The following ATAD2B variants were observed in gnomAD, a reference collection of about 807,000 sequenced individuals.
The protein encoded by ATAD2B is ATPase family AAA domain containing 2B.
Under a neutral mutation model 167.6 loss-of-function variants are expected in ATAD2B, and 40 were observed. That is an observed-to-expected ratio of 0.24 (90% CI 0.19 to 0.31). ATAD2B has a LOEUF of 0.31. Among genes scored for constraint, ATAD2B ranks in the 10% least tolerant of loss-of-function variants. The pLI is 1.00. For synonymous variants in ATAD2B, 579 were observed against 596.5 expected (o/e 0.97, Z 0.43); for missense variants, 1,242 against 1,757.2 (o/e 0.71, Z 5.24).
chr2:23,775,824 C>T (rs772521612), intron 22 of ATAD2B, among the ~76,000 whole-genome samples: 2 of 152,138 alleles, frequency 1.3e-5, no homozygotes, highest in Non-Finnish European at 2.9e-5. Flanking sequence ...TATCTCCTGC[C>T]CACTTCTTTC....
Position 23,895,836 on chromosome 2 carries a change from T to TA in ATAD2B, c.350dup (p.Leu117PhefsTer21). 6.2e-7 allele frequency: 1 copy of TA among 1,609,940 alleles called. No homozygotes were observed. The highest frequency in any genetic ancestry group is 8.5e-7 in the Non-Finnish European group (1 of 1,177,644). ...TTTCTCACCTGGCCTGTCCAGTTGA[T>TA]AAGTTCCATTCCTCTCGCTGACCAG... On this transcript the variant is annotated frameshift_variant, in exon 2 of 28. Coordinates refer to ENST00000238789, the MANE Select transcript of ATAD2B (RefSeq NM_017552.4). LOFTEE classifies it high-confidence loss of function.
chr2:23,866,039 AAAAT>A (rs1164092808), intron 10 of ATAD2B: 11 of 456,320 alleles, frequency 2.4e-5, no homozygotes, highest in African/African-American at 4.3e-5. Context: ...TATTAACAGA[AAAAT>A]AAAAACAAGT....
chr2:23,683,251 G>A, the ATAD2B span, among the ~76,000 whole-genome samples: 1 of 152,210 alleles, frequency 6.6e-6, no homozygotes, highest in African/African-American at 2.4e-5. Flanking sequence ...GCTCAGCTCT[G>A]CAGGCCACCC....
chr2:23,883,973 C>T (rs1005411224), intron 6 of ATAD2B, among the ~76,000 whole-genome samples: 2 of 152,036 alleles, frequency 1.3e-5, no homozygotes, highest in African/African-American at 4.8e-5. Flanking sequence ...GCAAAAACCC[C>T]TCTCTACTAA....
the ATAD2B span, among the ~76,000 whole-genome samples, chr2:23,683,188 A>G: frequency 6.6e-6 from 1 of 152,232 alleles, no homozygotes; most frequent in African/African-American, 2.4e-5. Context: ...TGTGGACAGC[A>G]ACAACCAATG....
downstream of ATAD2B, among the ~76,000 whole-genome samples, chr2:23,747,309 A>C (rs540463253): frequency 6.6e-6 from 1 of 151,394 alleles, no homozygotes; most frequent in African/African-American, 2.4e-5. Flanking sequence ...ATATATATAC[A>C]TATGTGTAAT....
At chr2:23,812,331 G>C (rs1352065461) in intron 17 of ATAD2B, among the ~76,000 whole-genome samples, 1 of 145,864 alleles carries the variant, frequency 6.9e-6, no homozygotes, top group Admixed American at 6.8e-5. Context: ...AAATTAAAAA[G>C]GTAAAACAAA....
At chr2:23,768,374 C>CT (rs952870114) in intron 22 of ATAD2B, among the ~76,000 whole-genome samples, 4 of 151,942 alleles carry the variant, frequency 2.6e-5, no homozygotes, top group Admixed American at 2.6e-4. Flanking sequence ...TGTCTCCACT[C>CT]TGACTCATTC....
Position 23,875,911 on chromosome 2 carries a change from G to A in ATAD2B, c.902-7C>T, listed in dbSNP as rs1467185917. The stretch of plus-strand genomic sequence containing the variant: ...TTTTTTTGATGAGCTGGTACTAAAA[G>A]GGAAGAAAAGGATAATAGAGAAATA... On this transcript the variant is annotated splice_polypyrimidine_tract_variant and splice_region_variant and intron_variant, in intron 7 of 27. Transcript: ENST00000238789. 4 of 1,573,966 alleles carry A rather than the reference G, an allele frequency of 2.5e-6. No individual in the cohort carries two copies. The highest frequency in any genetic ancestry group is 3.5e-6 in the Non-Finnish European group (4 of 1,149,262).
At chr2:23,678,574 G>A in the ATAD2B span, among the ~76,000 whole-genome samples, 1 of 152,322 alleles carries the variant, frequency 6.6e-6, no homozygotes, top group East Asian at 1.9e-4. Flanking sequence ...TCTGCTGAGT[G>A]TAGCCCAAAC....
At chr2:23,678,101 T>C in the ATAD2B span, among the ~76,000 whole-genome samples, 1 of 152,364 alleles carries the variant, frequency 6.6e-6, no homozygotes, top group East Asian at 1.9e-4. Context: ...AACGAGCCCA[T>C]TAGTCTCTGA....
At chr2:23,695,899 A>T in the ATAD2B span, 7 of 1,537,796 alleles carry the variant, frequency 4.6e-6, no homozygotes, top group Admixed American at 7.9e-5. This position sits in a 1 kb window ranked among gnomAD's most constrained non-coding sequence, Gnocchi z 7.6. Context: ...CCAGGCACAG[A>T]TGCCGACAGT....
chr2:23,748,525 TCTAAAAGGAA>T (rs1477351742), downstream of ATAD2B: 3 of 152,110 alleles, frequency 2.0e-5, no homozygotes, highest in Middle Eastern at 3.2e-3. Context: ...GTACTTAAAA[TCTAAAAGGAA>T]CATATAACAC....
At chr2:23,870,284 A>ATTTTTTT (rs1376127060) in intron 8 of ATAD2B, among the ~76,000 whole-genome samples, 3 of 95,942 alleles carry the variant, frequency 3.1e-5, no homozygotes, top group Non-Finnish European at 4.3e-5. Context: ...TCAGTAACCA[A>ATTTTTTT]CTTTTTTTTT....
chr2:23,874,180 C>T (rs1021230973), intron 8 of ATAD2B, among the ~76,000 whole-genome samples: 6 of 150,686 alleles, frequency 4.0e-5, no homozygotes, highest in Non-Finnish European at 8.9e-5. Flanking sequence ...AGGGAAGGCT[C>T]CATCCCAAAA....
At position 23,752,050 on chromosome 2, in the gene ATAD2B, A is replaced by T. The variant is rs1423643146; in HGVS notation, c.4373T>A (p.Leu1458Gln). 1 of 1,562,858 alleles carries T rather than the reference A, an allele frequency of 6.4e-7. No homozygotes were observed. The highest frequency in any genetic ancestry group is 1.2e-5 in the South Asian group (1 of 84,942). The change falls in exon 28 of 28, where the codon CTA (leucine) becomes CAA (glutamine). Residue 1458 changes from leucine to glutamine, a missense_variant. Leu to Gln is a moderately radical substitution (Grantham distance 113). Transcript: ENST00000238789. ...AAACCACTCATCTTGAAAAGTTCAT[A>T]GGAATGTCTCAAACATATGAACTGT... is the stretch of plus-strand genomic sequence containing the variant. ...ERTVHMFETF[L>Q] is the part of the protein sequence containing the mutation.
chr2:23,876,832 C>T (rs112048961), intron 7 of ATAD2B, among the ~76,000 whole-genome samples: 9,790 of 151,930 alleles, frequency 0.064, 408 homozygotes, highest in African/African-American at 0.12. Flanking sequence ...CTTTGGGAGG[C>T]CGAGGCAGGT....
At chr2:23,753,939 A>C (rs2149298009) in intron 27 of ATAD2B, among the ~76,000 whole-genome samples, 1 of 152,116 alleles carries the variant, frequency 6.6e-6, no homozygotes, top group African/African-American at 2.4e-5. Context: ...AGAACCATGG[A>C]TTTCTGTGTT....
chr2:23,774,214 G>C (rs1012195659), intron 22 of ATAD2B, among the ~76,000 whole-genome samples: 1 of 152,152 alleles, frequency 6.6e-6, no homozygotes, highest in Admixed American at 6.5e-5. Context: ...CAACACTTTG[G>C]AAGGATGCAG....
Sources: gnomAD v4.1 joint callset for allele counts (sites outside exome capture counted in the v4.1 genomes callset) on GRCh38, gnomAD v4.1.1 for gene constraint, Gnocchi (gnomAD v3.1) non-coding constraint, MANE v1.5 for transcripts, NCBI Gene and HGNC (gene_info 2026-07-23, HGNC 2026-07-21) for gene names.